Variants in IL6ST observed in about 807,000 individuals in gnomAD.
IL6ST encodes interleukin-6 receptor subunit beta.
A neutral mutation model predicts 91.3 loss-of-function variants in IL6ST; 24 were observed. The observed-to-expected ratio is 0.26, with a 90% CI of 0.19 to 0.37. The LOEUF is 0.37. Ranked by LOEUF, IL6ST falls within the 10% of genes least tolerant of loss-of-function variation. The pLI is 1.00. For missense variants in IL6ST, 914 were observed against 1,078.5 expected (o/e 0.85, Z 2.14); for synonymous variants, 351 against 373.6 (o/e 0.94, Z 0.70).
chr5:55,950,534 T>A (rs1580797916), intron 14 of IL6ST, among the ~76,000 whole-genome samples: 4 of 29,462 alleles, frequency 1.4e-4, no homozygotes, highest in Admixed American at 5.4e-4. Flanking sequence ...AGACTCTGTC[T>A]CAAAAAAAAA....
At chr5:55,979,728 C>T (rs1280997280) in intron 2 of IL6ST, among the ~76,000 whole-genome samples, 2 of 152,244 alleles carry the variant, frequency 1.3e-5, no homozygotes, top group African/African-American at 4.8e-5. Context: ...GGCAGAGAGC[C>T]AGTTCGGCAA....
chr5:55,977,201 A>C (rs1753350983), intron 2 of IL6ST, among the ~76,000 whole-genome samples: 1 of 152,146 alleles, frequency 6.6e-6, no homozygotes, highest in African/African-American at 2.4e-5. Flanking sequence ...AAAGCATTAC[A>C]CTGAATAAAC....
At chr5:55,969,046 T>C (rs1395607872) in intron 4 of IL6ST, among the ~76,000 whole-genome samples, 1 of 151,988 alleles carries the variant, frequency 6.6e-6, no homozygotes, top group East Asian at 1.9e-4. Context: ...ATATGAAAAA[T>C]TAGCCGGGCG....
At chr5:55,972,009 A>C (rs1370871731) in intron 3 of IL6ST, among the ~76,000 whole-genome samples, 3 of 152,190 alleles carry the variant, frequency 2.0e-5, no homozygotes, top group Non-Finnish European at 4.4e-5. Context: ...CATCCAGTGG[A>C]GAATCTCTAC....
At chr5:55,978,923 C>T (rs1213195845) in intron 2 of IL6ST, among the ~76,000 whole-genome samples, 2 of 152,110 alleles carry the variant, frequency 1.3e-5, no homozygotes, top group Non-Finnish European at 2.9e-5. Flanking sequence ...CCTCCAAAGA[C>T]ATCTACAAGA....
intron 14 of IL6ST, among the ~76,000 whole-genome samples, chr5:55,950,417 C>A (rs564174573): frequency 8.6e-5 from 13 of 151,186 alleles, no homozygotes; most frequent in African/African-American, 2.9e-4. Context: ...GGCACCTCTA[C>A]CCCAGCTACG....
At chr5:55,977,126 T>C (rs564416896) in intron 2 of IL6ST, among the ~76,000 whole-genome samples, 57 of 151,764 alleles carry the variant, frequency 3.8e-4, no homozygotes, top group Non-Finnish European at 7.7e-4. Context: ...AATAGAATAC[T>C]ACTCAGCAAA....
At chr5:55,951,903 CT>C in intron 13 of IL6ST, 25 bp downstream of exon 13, 1 of 1,315,950 alleles carries the variant, frequency 7.6e-7, no homozygotes, top group Non-Finnish European at 1.1e-6. Context: ...ATAACTGATT[CT>C]TAATAACTGA....
intron 15 of IL6ST, among the ~76,000 whole-genome samples, 199 bp downstream of exon 15, chr5:55,947,294 C>T (rs1289211591): frequency 6.6e-6 from 1 of 151,974 alleles, no homozygotes; most frequent in East Asian, 1.9e-4. Context: ...GAGAAGAAGA[C>T]AGATTACAAA....
At chr5:55,970,505 A>G (rs2111819272) in intron 3 of IL6ST, among the ~76,000 whole-genome samples, 1 of 152,180 alleles carries the variant, frequency 6.6e-6, no homozygotes, top group South Asian at 2.1e-4. Context: ...TGGGCAACAT[A>G]GGGAGATGCC....
chr5:55,993,788 A>G (rs1167756487), intron 1 of IL6ST, among the ~76,000 whole-genome samples: 1 of 152,254 alleles, frequency 6.6e-6, no homozygotes, highest in Non-Finnish European at 1.5e-5. Flanking sequence ...CCAAATAGGA[A>G]TTAACATGAA....
chr5:55,969,687 T>C lies in IL6ST; in HGVS notation c.233A>G (p.Gln78Arg). ...TGCTGTTCTGTTTATGATAGTATAT[T>C]GCTCCTTAGGAATAGTAAAATGGTT... is the stretch of plus-strand genomic sequence containing the variant. ...KTNHFTIPKE[Q>R]YTIINRTASS... Residue 78 changes from glutamine (Q) to arginine (R), a missense_variant, in exon 4 of 17, where the codon CAA becomes CGA. By Grantham distance (43) the Gln-to-Arg change is conservative (BLOSUM62 1). Transcript: ENST00000381298. 6.2e-7 allele frequency: 1 copy of C among 1,612,536 alleles called. No homozygotes were observed. Among genetic ancestry groups the C allele is most frequent in the Non-Finnish European group, 8.5e-7 (1 of 1,178,652 alleles).
chr5:55,963,501 G>T lies in IL6ST; in HGVS notation c.664C>A (p.Pro222Thr). Reference protein sequence around the residue: ...INFDPVYKVKPNPPHNLSVIN... With the variant: ...INFDPVYKVKTNPPHNLSVIN... ...ACTGATAAATTATGTGGCGGATTGG[G>T]CTTCACTGAAAAATAAAATAAATCC... Residue 222 changes from proline to threonine, a missense_variant, in exon 7 of 17, where the codon CCC becomes ACC. Coordinates refer to ENST00000381298, the MANE Select transcript of IL6ST (RefSeq NM_002184.4). The T allele has an allele frequency of 6.2e-7, 1 of 1,602,010 alleles. No homozygotes were observed.
Position 55,982,656 on chromosome 5 carries a change from G to A in IL6ST, c.-16+68C>T, listed in dbSNP as rs937718301. The A allele has an allele frequency of 6.0e-5, 24 of 396,828 alleles. 1 individual carries two copies. The highest frequency in any genetic ancestry group is 4.7e-4 in the African/African-American group (23 of 48,652). 24.6% of individuals were successfully genotyped at this position (396,828 alleles called of 1,614,324 possible). Reference sequence around the variant, plus strand: ...TATCCTAAAGAATCAGGTGAGTAGGGCAGGGATTATTTATTGGAACTTTGT... The same window carrying A: ...TATCCTAAAGAATCAGGTGAGTAGGACAGGGATTATTTATTGGAACTTTGT... On this transcript the variant is annotated intron_variant, in intron 2 of 16. Transcript: ENST00000381298.
Position 55,957,189 on chromosome 5 carries a change from A to T in IL6ST, c.1056+20T>A. On this transcript the variant is annotated intron_variant, in intron 9 of 16. Transcript: ENST00000381298. Reference sequence around the variant, plus strand: ...AAAAAAAAGATTTATAAGAGATAAAATATAAATGTGATTTTTTACCTTCCA... The same window carrying T: ...AAAAAAAAGATTTATAAGAGATAAATTATAAATGTGATTTTTTACCTTCCA... 1 of 1,268,712 alleles carries T rather than the reference A, an allele frequency of 7.9e-7. No individual in the cohort carries two copies. The highest frequency in any genetic ancestry group is 1.1e-6 in the Non-Finnish European group (1 of 900,980). The allele number at this position is 1,268,712 out of a possible 1,614,324, so 78.6% of individuals were successfully genotyped here.
intron 1 of IL6ST, among the ~76,000 whole-genome samples, chr5:55,987,852 G>A (rs1754061699): frequency 6.6e-6 from 1 of 152,168 alleles, no homozygotes; most frequent in South Asian, 2.1e-4. Context: ...AACCTACAAG[G>A]CCAGGCATGG....
rs1326882978 is a variant in IL6ST at position 55,939,071 on chromosome 5, G to GAA, written c.*2009_*2010dup. 1 of 206,168 alleles carries GAA rather than the reference G, an allele frequency of 4.9e-6. No homozygotes were observed. Among genetic ancestry groups the GAA allele is most frequent in the East Asian group, 7.4e-5 (1 of 13,498 alleles). The allele number at this position is 206,168 out of a possible 1,614,324, so 12.8% of individuals were successfully genotyped here. ...TCTTCATGACACTATTTGTTATGAG[G>GAA]AAAGTTGCAGCTAAATATTAGTCAT... On this transcript the variant is annotated 3_prime_UTR_variant, in exon 17 of 17. Transcript: ENST00000381298.
At position 55,944,686 on chromosome 5, in the gene IL6ST, C is replaced by T. The variant is rs188472961; in HGVS notation, c.1938-1935G>A. On this transcript the variant is annotated intron_variant, in intron 15 of 16. Transcript: ENST00000381298. ...AGCCAAGTGGAGGAAGAAGCGAATG[C>T]GCAGGCTGAAGCGCAAAAGAAGAAA... is the stretch of plus-strand genomic sequence containing the variant. 1.8e-5 allele frequency: 19 copies of T among 1,075,974 alleles called. No individual in the cohort carries two copies. In the East Asian group the frequency reaches 3.2e-4, roughly 18 times the overall value. The allele number at this position is 1,075,974 out of a possible 1,614,324, so 66.7% of individuals were successfully genotyped here. A position where few individuals can be genotyped will look rare whatever the true frequency, so the allele number is the denominator to read the frequency against.
intron 1 of IL6ST, among the ~76,000 whole-genome samples, chr5:55,985,791 G>A (rs181907406): frequency 5.3e-5 from 8 of 152,288 alleles, no homozygotes; most frequent in African/African-American, 1.7e-4. Context: ...CTCAATTCCA[G>A]GGTGGGCAAG....
Sources: allele counts gnomAD v4.1 joint callset (sites outside exome capture counted in the v4.1 genomes callset), GRCh38; gene constraint gnomAD v4.1.1; transcripts MANE v1.5; gene names NCBI Gene and HGNC (gene_info 2026-07-23, HGNC 2026-07-21).